Variants in LNX1 observed in about 807,000 individuals in gnomAD.
The protein encoded by LNX1 is E3 ubiquitin-protein ligase LNX.
A neutral mutation model predicts 68.4 loss-of-function variants in LNX1; 54 were observed. The ratio of observed to expected loss-of-function variants is 0.79; its 90% CI spans 0.63 to 0.99. LNX1 has a LOEUF of 0.99. LNX1 is among the 50% of genes least tolerant of loss of function. LNX1 has a pLI of 0.00. For synonymous variants in LNX1, 336 were observed against 350.0 expected (o/e 0.96, Z 0.45); for missense variants, 906 against 926.4 (o/e 0.98, Z 0.29).
In LNX1 at chr4:53,481,730, T is replaced by A. The variant is rs774409896; in HGVS notation, c.1475A>T (p.Asn492Ile). The change falls in exon 7 of 11, where the codon AAC becomes ATC. Residue 492 changes from asparagine (N) to isoleucine (I), a missense_variant. Physicochemically the swap from Asn to Ile is moderately radical, Grantham distance 149. Transcript: ENST00000263925. ...SWSPGPGERS[N>I]TPKPLHPTIT... Reference sequence around the variant, plus strand: ...CCCTAGAGGCCTCACCTTGGGAGTGTTGCTCCTCTCCCCTGGCCCTGGGGA... The same window carrying A: ...CCCTAGAGGCCTCACCTTGGGAGTGATGCTCCTCTCCCCTGGCCCTGGGGA... The A allele has an allele frequency of 6.2e-7, 1 of 1,613,668 alleles. No individual in the cohort carries two copies. The highest frequency in any genetic ancestry group is 2.2e-5 in the East Asian group (1 of 44,828).
intron 1 of LNX1, among the ~76,000 whole-genome samples, chr4:53,627,059 G>A (rs1467183802): frequency 2.6e-5 from 4 of 152,184 alleles, no homozygotes; most frequent in African/African-American, 4.8e-5. Flanking sequence ...TTCTGCAGGA[G>A]TTCCTCTTGT....
rs563442661 is a variant in LNX1, at chr4:53,573,333, T to C, written c.380+290A>G. ...ATGGATGGTGGTGATAGTTGCACAA[T>C]ACATGAAAGTACTTAATACCACTGA... is the stretch of plus-strand genomic sequence containing the variant. On this transcript the variant is annotated intron_variant, in intron 2 of 10. Transcript: ENST00000263925. Among the ~76,000 whole-genome samples the C allele has an allele frequency of 2.0e-5, 3 of 152,278 alleles. No individual in the cohort carries two copies. In the South Asian group the frequency reaches 6.2e-4, roughly 32 times the overall value.
At chr4:53,545,849 C>T (rs982047036) in intron 2 of LNX1, among the ~76,000 whole-genome samples, 3 of 148,526 alleles carry the variant, frequency 2.0e-5, no homozygotes, top group Non-Finnish European at 4.4e-5. Flanking sequence ...ACTCTGTCGC[C>T]CAGGCTGGAG....
At chr4:53,503,041 C>T (rs1725619910) in intron 4 of LNX1, among the ~76,000 whole-genome samples, 2 of 151,966 alleles carry the variant, frequency 1.3e-5, no homozygotes, top group African/African-American at 4.8e-5. Context: ...CATCATTCTC[C>T]TGCCTCAGCC....
At chr4:53,599,571 G>A (rs929819978) in intron 2 of LNX1, among the ~76,000 whole-genome samples, 29 of 152,220 alleles carry the variant, frequency 1.9e-4, no homozygotes, top group Admixed American at 1.2e-3. Context: ...TTTACTCTGT[G>A]GACTCATCCT....
chr4:53,522,647 T>C (rs1727315236), intron 2 of LNX1, among the ~76,000 whole-genome samples: 1 of 152,236 alleles, frequency 6.6e-6, no homozygotes, highest in Admixed American at 6.5e-5. Flanking sequence ...CAGACATTCA[T>C]GAAATACTTC....
At chr4:53,571,078 A>G (rs1731132504) in intron 2 of LNX1, among the ~76,000 whole-genome samples, 1 of 149,394 alleles carries the variant, frequency 6.7e-6, no homozygotes, top group East Asian at 2.0e-4. Flanking sequence ...TCGCTCTGTC[A>G]CCTAATCTTG....
intron 6 of LNX1, among the ~76,000 whole-genome samples, chr4:53,483,140 A>G (rs1399241): frequency 0.24 from 36,521 of 152,016 alleles, 4,979 homozygotes; most frequent in South Asian, 0.51. Context: ...GGTCTTTCCC[A>G]TGCTGTTCTC....
intron 2 of LNX1, among the ~76,000 whole-genome samples, chr4:53,512,787 T>C (rs4241975): frequency 0.96 from 146,083 of 152,190 alleles, 70,398 homozygotes; most frequent in East Asian, 1. Flanking sequence ...GGGTTTTAGG[T>C]ATTAGCTGCT....
chr4:53,608,272 TA>T (rs1395195997), intron 2 of LNX1, among the ~76,000 whole-genome samples: 1 of 151,684 alleles, frequency 6.6e-6, no homozygotes, highest in Admixed American at 6.6e-5. Flanking sequence ...AAACAACAAG[TA>T]AAAAACAACC....
rs1232054796 is a variant in LNX1, at chr4:53,508,226, A to G, written c.382T>C (p.Cys128Arg). Reference sequence around the variant, plus strand: ...AGGCCGTAGTGGGAGGCACCTTTACAGCTGTAACAGAACCAGCGGGGAGGT... The same window carrying G: ...AGGCCGTAGTGGGAGGCACCTTTACGGCTGTAACAGAACCAGCGGGGAGGT... ...CDLEHHFQTS[C>R]KGASHYGLTK... Residue 128 changes from cysteine (C) to arginine (R), a missense_variant and splice_region_variant, in exon 3 of 11, where the codon TGT becomes CGT. Coordinates refer to ENST00000263925, the MANE Select transcript of LNX1 (RefSeq NM_001126328.3). 1 of 1,611,942 alleles carries G rather than the reference A, an allele frequency of 6.2e-7. No individual in the cohort carries two copies.
At chr4:53,512,798 C>T (rs770209219) in intron 2 of LNX1, among the ~76,000 whole-genome samples, 5 of 152,090 alleles carry the variant, frequency 3.3e-5, no homozygotes, top group Admixed American at 6.6e-5. Context: ...ATTAGCTGCT[C>T]TACTGAATGG....
chr4:53,581,204 G>A (rs1731815809), intron 1 of LNX1, among the ~76,000 whole-genome samples: 1 of 152,142 alleles, frequency 6.6e-6, no homozygotes, highest in South Asian at 2.1e-4. Context: ...GAGGTCAAAG[G>A]AAAAATGTAT....
chr4:53,636,536 T>C (rs1734488718), intron 1 of LNX1, among the ~76,000 whole-genome samples: 1 of 152,118 alleles, frequency 6.6e-6, no homozygotes, highest in Non-Finnish European at 1.5e-5. Flanking sequence ...ATCAGGTCCT[T>C]GAACCATAAA....
chr4:53,481,872 G>C lies in LNX1; in HGVS notation c.1351-18C>G. 6.4e-7 allele frequency: 1 copy of C among 1,553,658 alleles called. No homozygotes were observed. Among genetic ancestry groups the C allele is most frequent in the African/African-American group, 1.4e-5 (1 of 72,450 alleles). ...TCACTGGCCTGGGCAAGAAGACACAGGCATTAGCCACTGTCAGTTTCCATC... is the reference window on the plus strand; with the variant it reads ...TCACTGGCCTGGGCAAGAAGACACACGCATTAGCCACTGTCAGTTTCCATC... On this transcript the variant is annotated intron_variant, in intron 6 of 10. Transcript: ENST00000263925.
chr4:53,470,460 A>G (rs920259446), intron 9 of LNX1, among the ~76,000 whole-genome samples: 112 of 152,318 alleles, frequency 7.4e-4, no homozygotes, highest in African/African-American at 2.6e-3. Context: ...CACCACTTCT[A>G]TTCAACATAG....
chr4:53,469,856 A>G (rs1723018930), intron 9 of LNX1, among the ~76,000 whole-genome samples: 1 of 152,252 alleles, frequency 6.6e-6, no homozygotes, highest in African/African-American at 2.4e-5. Flanking sequence ...TTAATAGCTT[A>G]CTAACCAAAA....
intron 1 of LNX1, among the ~76,000 whole-genome samples, chr4:53,625,067 C>G (rs1256144761): frequency 6.6e-6 from 1 of 152,066 alleles, no homozygotes; most frequent in Non-Finnish European, 1.5e-5. Context: ...ATTGTACATA[C>G]AGATTAACTT....
chr4:53,621,902 T>C (rs1457388416), upstream of LNX1, among the ~76,000 whole-genome samples: 1 of 152,020 alleles, frequency 6.6e-6, no homozygotes, highest in African/African-American at 2.4e-5. Flanking sequence ...CATTAATAAG[T>C]GAAGAAGTTG....
Sources: allele counts gnomAD v4.1 joint callset (sites outside exome capture counted in the v4.1 genomes callset), GRCh38; gene constraint gnomAD v4.1.1; transcripts MANE v1.5; gene names NCBI Gene and HGNC (gene_info 2026-07-23, HGNC 2026-07-21).